Variants in DMD observed in about 807,000 individuals in gnomAD.
The protein encoded by DMD is mutant dystrophin.
Under a neutral mutation model 330.1 loss-of-function variants are expected in DMD, and 63 were observed. That is an observed-to-expected ratio of 0.19 (90% confidence interval 0.16 to 0.24). The LOEUF (loss-of-function observed/expected upper bound fraction) is 0.24. Ranked by LOEUF, DMD falls within the 10% of genes least tolerant of loss-of-function variation. The pLI is 1.00. For synonymous variants in DMD, 1,223 were observed against 959.8 expected, an observed-to-expected ratio of 1.27 and a Z score of -5.07; for missense variants, 3,344 against 2,684.1, an observed-to-expected ratio of 1.25 and a Z score of -5.43.
At chrX:33,077,292 T>C (rs1023935232) in intron 1 of DMD, among the ~76,000 whole-genome samples, 3 of 111,292 alleles carry the variant, frequency 2.7e-5, no homozygotes, top group African/African-American at 9.8e-5. Flanking sequence ...AAACTAAGTT[T>C]CTCCCAAAGT....
chrX:33,005,786 A>C (rs2147477140), intron 2 of DMD, among the ~76,000 whole-genome samples: 1 of 111,107 alleles, frequency 9.0e-6, no homozygotes, highest in Admixed American at 9.6e-5. Flanking sequence ...GAAAATAGAC[A>C]TATCTATTGG....
chrX:32,969,058 A>G (rs1217528754), intron 2 of DMD, among the ~76,000 whole-genome samples: 1 of 86,124 alleles, frequency 1.2e-5, no homozygotes, highest in Non-Finnish European at 2.3e-5. Flanking sequence ...AAAAAAAAAG[A>G]ACCTAGAACG....
At chrX:33,197,940 A>G (rs1389435597) in intron 1 of DMD, among the ~76,000 whole-genome samples, 3 of 111,361 alleles carry the variant, frequency 2.7e-5, no homozygotes, top group African/African-American at 9.8e-5. Flanking sequence ...TATCAAGAGT[A>G]CAATTGCTGG....
chrX:32,965,471 G>C (rs1477956593), intron 2 of DMD, among the ~76,000 whole-genome samples: 73 of 98,245 alleles, frequency 7.4e-4, no homozygotes, highest in Non-Finnish European at 1.3e-3. Context: ...TCCAGCCTGG[G>C]TGACAGAGCG....
chrX:32,700,014 C>T (rs980105243), intron 7 of DMD, among the ~76,000 whole-genome samples: 3 of 111,641 alleles, frequency 2.7e-5, no homozygotes, highest in Non-Finnish European at 3.8e-5. Context: ...GTGAATGAAA[C>T]GCAGCATTTA....
intron 30 of DMD, among the ~76,000 whole-genome samples, chrX:32,391,278 T>G (rs911967127): frequency 6.3e-5 from 7 of 111,392 alleles, no homozygotes; most frequent in Non-Finnish European, 1.9e-5. Context: ...TCATTTTGCA[T>G]AACGTATATT....
At chrX:31,634,983 T>A (rs956145281) in intron 54 of DMD, among the ~76,000 whole-genome samples, 2 of 111,788 alleles carry the variant, frequency 1.8e-5, no homozygotes, top group African/African-American at 6.5e-5. Flanking sequence ...ATCTGCATTT[T>A]ATATTTTTCT....
intron 47 of DMD, among the ~76,000 whole-genome samples, chrX:31,909,484 G>C (rs1240506764): frequency 9.6e-6 from 1 of 104,118 alleles, no homozygotes; most frequent in African/African-American, 3.6e-5. Context: ...GAAGCTGCTA[G>C]GTCAACACAG....
At chrX:32,207,457 C>T (rs952877438) in intron 44 of DMD, among the ~76,000 whole-genome samples, 7 of 111,785 alleles carry the variant, frequency 6.3e-5, no homozygotes, top group Admixed American at 1.9e-4. Flanking sequence ...ATTACCTAGT[C>T]TTAGGTACTT....
intron 43 of DMD, among the ~76,000 whole-genome samples, chrX:32,274,281 A>T (rs1335688712): frequency 1.8e-5 from 2 of 112,062 alleles, no homozygotes; most frequent in African/African-American, 6.5e-5. Context: ...GCTTGTATAC[A>T]ACTATCCTGG....
chrX:31,477,086 A>G (rs1311010264), intron 59 of DMD, among the ~76,000 whole-genome samples: 2 of 112,111 alleles, frequency 1.8e-5, no homozygotes, highest in African/African-American at 6.5e-5. Context: ...GTTTCAGAAT[A>G]GTTGCATTTG....
intron 44 of DMD, among the ~76,000 whole-genome samples, chrX:32,045,274 T>A (rs1457656627): frequency 9.1e-6 from 1 of 109,356 alleles, no homozygotes; most frequent in Non-Finnish European, 1.9e-5. Context: ...GATGTTTGAG[T>A]CACGGAGGTG....
At chrX:32,337,891 A>G (rs992520996) in intron 41 of DMD, among the ~76,000 whole-genome samples, 3 of 111,499 alleles carry the variant, frequency 2.7e-5, no homozygotes, top group Admixed American at 1.9e-4. Context: ...TTATTTACAG[A>G]GAAAACAATT....
chrX:32,824,511 C>G (rs1216634311), intron 4 of DMD, among the ~76,000 whole-genome samples: 1 of 111,803 alleles, frequency 8.9e-6, no homozygotes, highest in Non-Finnish European at 1.9e-5. Flanking sequence ...GGGTAGCATA[C>G]TGTATGAATC....
chrX:32,526,937 A>G (rs2046987819), intron 17 of DMD, among the ~76,000 whole-genome samples: 1 of 112,129 alleles, frequency 8.9e-6, no homozygotes, highest in Admixed American at 9.5e-5. Context: ...GTCACTTTCA[A>G]TATACAAGTT....
At chrX:32,642,924 A>T (rs1390359959) in intron 11 of DMD, among the ~76,000 whole-genome samples, 1 of 111,347 alleles carries the variant, frequency 9.0e-6, no homozygotes, top group Non-Finnish European at 1.9e-5. Flanking sequence ...GGTTGCTTTA[A>T]GTTCCACAGA....
chrX:32,734,135 C>A (rs1363609664), intron 7 of DMD, among the ~76,000 whole-genome samples: 2 of 108,674 alleles, frequency 1.8e-5, no homozygotes, highest in East Asian at 2.9e-4. Context: ...ACTACAAACA[C>A]CTCTACGCAA....
chrX:31,963,020 C>A (rs2095320663), intron 45 of DMD, among the ~76,000 whole-genome samples: 1 of 111,532 alleles, frequency 9.0e-6, no homozygotes, highest in Non-Finnish European at 1.9e-5. Context: ...TGGTTGAAAG[C>A]TATTTGGTTG....
intron 55 of DMD, among the ~76,000 whole-genome samples, chrX:31,524,907 C>G (rs941792234): frequency 3.6e-5 from 4 of 112,164 alleles, no homozygotes; most frequent in Non-Finnish European, 7.5e-5. Flanking sequence ...TCCTGAAAAA[C>G]TGCCTGGTGC....
Sources: gnomAD v4.1 joint callset for allele counts (sites outside exome capture counted in the v4.1 genomes callset) on GRCh38, gnomAD v4.1.1 for gene constraint, MANE v1.5 for transcripts, NCBI Gene and HGNC (gene_info 2026-07-23, HGNC 2026-07-21) for gene names.